Variants in VWA3B observed in about 807,000 individuals in gnomAD.
VWA3B encodes von Willebrand factor A domain containing 3B, also known as von Willebrand factor A domain-containing protein 3B.
In VWA3B, 138 loss-of-function variants were observed where a neutral mutation model predicts 158.3. The observed-to-expected ratio is 0.87, with a 90% CI of 0.76 to 1.00. The LOEUF (loss-of-function observed/expected upper bound fraction) is 1.00. Among genes scored for constraint, VWA3B ranks in the 50% least tolerant of loss-of-function variants. VWA3B has a pLI of 0.00. For missense variants in VWA3B, 1,555 were observed against 1,565.1 expected (o/e 0.99, Z 0.11); for synonymous variants, 596 against 587.3 (o/e 1.01, Z -0.21).
At chr2:98,287,124 T>G (rs1451173132) in intron 22 of VWA3B, among the ~76,000 whole-genome samples, 2 of 152,080 alleles carry the variant, frequency 1.3e-5, no homozygotes, top group Admixed American at 6.6e-5. Context: ...GGGGAAAATT[T>G]TTGTATTCTT....
intron 8 of VWA3B, among the ~76,000 whole-genome samples, chr2:98,167,632 G>T (rs1679197714): frequency 6.6e-6 from 1 of 152,198 alleles, no homozygotes; most frequent in African/African-American, 2.4e-5. Context: ...TACCAGAGAG[G>T]AGACAGATGC....
chr2:98,176,063 G>A (rs1454208676), intron 8 of VWA3B, among the ~76,000 whole-genome samples: 2 of 152,182 alleles, frequency 1.3e-5, no homozygotes, highest in South Asian at 2.1e-4. Context: ...AGATTGGGAT[G>A]GGCTTCATCT....
At chr2:98,187,082 C>T (rs1681135842) in intron 9 of VWA3B, among the ~76,000 whole-genome samples, 1 of 152,150 alleles carries the variant, frequency 6.6e-6, no homozygotes. Flanking sequence ...TCCTCCCAGC[C>T]TCGCTATGGC....
intron 8 of VWA3B, among the ~76,000 whole-genome samples, chr2:98,180,247 C>A: frequency 6.6e-6 from 1 of 151,688 alleles, no homozygotes; most frequent in East Asian, 1.9e-4. Flanking sequence ...CAGGCTGGAG[C>A]GCAGTGGTGC....
At chr2:98,128,027 A>G (rs1675519350) in intron 5 of VWA3B, 1 of 521,160 alleles carries the variant, frequency 1.9e-6, no homozygotes, top group East Asian at 3.0e-5. Context: ...ACCCAAGACA[A>G]TAGCCACTGT....
chr2:98,275,597 T>G (rs940378056), intron 22 of VWA3B, among the ~76,000 whole-genome samples: 1 of 152,248 alleles, frequency 6.6e-6, no homozygotes, highest in Non-Finnish European at 1.5e-5. Flanking sequence ...AGCACTGGAC[T>G]AAAAGATGGT....
chr2:98,186,568 C>T (rs901078445), intron 9 of VWA3B, among the ~76,000 whole-genome samples: 5 of 151,954 alleles, frequency 3.3e-5, no homozygotes, highest in African/African-American at 9.7e-5. Flanking sequence ...TTTCCCGTCC[C>T]GGCCTGAAAA....
chr2:98,204,357 C>T (rs1682832794), intron 12 of VWA3B, among the ~76,000 whole-genome samples: 1 of 152,202 alleles, frequency 6.6e-6, no homozygotes, highest in African/African-American at 2.4e-5. Flanking sequence ...GGCAAGAATT[C>T]AGTCTTCTCC....
chr2:98,192,556 G>A (rs991525091), intron 10 of VWA3B, among the ~76,000 whole-genome samples: 4 of 152,204 alleles, frequency 2.6e-5, no homozygotes, highest in Admixed American at 2.6e-4. Context: ...CATCAGTTAA[G>A]GCAGGAACCA....
chr2:98,272,280 T>C (rs1688248483), intron 22 of VWA3B, among the ~76,000 whole-genome samples: 1 of 152,218 alleles, frequency 6.6e-6, no homozygotes, highest in South Asian at 2.1e-4. Flanking sequence ...CACACAGAAC[T>C]CTGGGAAACA....
chr2:98,102,080 T>C (rs979823085), intron 2 of VWA3B, among the ~76,000 whole-genome samples: 3 of 152,256 alleles, frequency 2.0e-5, no homozygotes, highest in African/African-American at 7.2e-5. Context: ...TCACTCTTAA[T>C]GAGCATGCTG....
chr2:98,213,334 G>GC (rs1683702261), intron 13 of VWA3B, among the ~76,000 whole-genome samples: 1 of 151,820 alleles, frequency 6.6e-6, no homozygotes, highest in South Asian at 2.1e-4. Context: ...CGGAGGAGCC[G>GC]CCCACCCTAC....
At chr2:98,301,867 A>C (rs1690215004) in intron 25 of VWA3B, among the ~76,000 whole-genome samples, 1 of 152,058 alleles carries the variant, frequency 6.6e-6, no homozygotes, top group Non-Finnish European at 1.5e-5. Context: ...AATATGGTCA[A>C]ATTTATCCCT....
intron 13 of VWA3B, among the ~76,000 whole-genome samples, chr2:98,214,531 G>GT (rs1174760837): frequency 6.6e-6 from 1 of 152,032 alleles, no homozygotes; most frequent in Non-Finnish European, 1.5e-5. Context: ...GATGGAACTA[G>GT]TTTTTTTGTA....
rs376614628 is a variant in VWA3B, at chr2:98,115,692, T to C, written c.237T>C (p.Tyr79=). 2.5e-5 allele frequency: 41 copies of C among 1,613,916 alleles called. No individual in the cohort carries two copies. In the African/African-American group the frequency reaches 2.9e-4, roughly 12 times the overall value. ...TGGGGAGACCTGTGGCTTCTCGGTA[T>C]GCTGATGGTCTGTTTCCACAGCTCT... is the stretch of plus-strand genomic sequence containing the variant. ...ASLGRPVASR[Y]ADGLFPQLYR... Residue 79 remains tyrosine, a synonymous_variant, in exon 3 of 28, where the codon TAT becomes TAC. Coordinates refer to ENST00000477737, the MANE Select transcript of VWA3B (RefSeq NM_144992.5).
intron 22 of VWA3B, among the ~76,000 whole-genome samples, chr2:98,283,037 G>A (rs912934569): frequency 6.6e-6 from 1 of 152,170 alleles, no homozygotes; most frequent in Non-Finnish European, 1.5e-5. Context: ...TCACCTCCCA[G>A]ATTTATACCT....
At chr2:98,272,107 C>T (rs79151059) in intron 22 of VWA3B, among the ~76,000 whole-genome samples, 5,913 of 152,304 alleles carry the variant, frequency 0.039, 169 homozygotes, top group Middle Eastern at 0.075. Flanking sequence ...ACACTACCTA[C>T]CTAGAGATGA....
At chr2:98,244,487 GCA>G (rs1686269381) in intron 19 of VWA3B, among the ~76,000 whole-genome samples, 1 of 151,964 alleles carries the variant, frequency 6.6e-6, no homozygotes, top group African/African-American at 2.4e-5. Flanking sequence ...CTCTTAAATA[GCA>G]CAGTTACATT....
rs145006311 is a variant in VWA3B, at chr2:98,282,180, G to T, written c.3046-8331G>T. 5.2e-3 allele frequency among the ~76,000 whole-genome samples: 793 copies of T among 152,242 alleles called. 6 individuals are homozygous for T. Among genetic ancestry groups the T allele is most frequent in the African/African-American group, 0.018 (750 of 41,538 alleles). On this transcript the variant is annotated intron_variant, in intron 22 of 27. Transcript: ENST00000477737. ...GGCTGAAGGGATGGCACCTCTAGCT[G>T]CCCTGGGGAGATGTCTTTTCATCCT...
Sources: allele counts gnomAD v4.1 joint callset (sites outside exome capture counted in the v4.1 genomes callset), GRCh38; gene constraint gnomAD v4.1.1; transcripts MANE v1.5; gene names NCBI Gene and HGNC (gene_info 2026-07-23, HGNC 2026-07-21).